Variants in ERBB2 observed in about 807,000 individuals in gnomAD.
The protein encoded by ERBB2 is receptor tyrosine-protein kinase erbB-2.
Under a neutral mutation model 149.0 loss-of-function variants are expected in ERBB2, and 61 were observed. The observed-to-expected ratio is 0.41, with a 90% CI of 0.33 to 0.51. The LOEUF is 0.51. ERBB2 is among the 20% of genes least tolerant of loss of function. The probability of loss-of-function intolerance (pLI) is 0.25; values close to 1 mark genes in which losing one functional copy is unlikely to be tolerated. For synonymous variants in ERBB2, 633 were observed against 678.8 expected (o/e 0.93, Z 1.05); for missense variants, 1,205 against 1,655.1 (o/e 0.73, Z 4.72).
chr17:39,697,143 C>G (rs1290015716), upstream of ERBB2, among the ~76,000 whole-genome samples: 1 of 152,114 alleles, frequency 6.6e-6, no homozygotes, highest in Non-Finnish European at 1.5e-5. Flanking sequence ...TCCCCTGATC[C>G]TCACCCTAAC....
rs965200569 is a variant in ERBB2 at position 39,707,289 on chromosome 17, C to A, written c.225+148C>A. 5 of 645,748 alleles carry A rather than the reference C, an allele frequency of 7.7e-6. No homozygotes were observed. In the Admixed American group the frequency reaches 1.2e-4, roughly 15 times the overall value. 40.0% of individuals were successfully genotyped at this position (645,748 alleles called of 1,614,324 possible). A position where few individuals can be genotyped will look rare whatever the true frequency, so the allele number is the denominator to read the frequency against. Reference sequence around the variant, plus strand: ...CCAGGAAGTCCTTTCTAACATCTAACCCCCATTCATTTTACTGCAGAATCA... The same window carrying A: ...CCAGGAAGTCCTTTCTAACATCTAAACCCCATTCATTTTACTGCAGAATCA... On this transcript the variant is annotated intron_variant, in intron 2 of 26. Coordinates refer to ENST00000269571, the MANE Select transcript of ERBB2 (RefSeq NM_004448.4).
chr17:39,694,391 C>T (rs895891453), upstream of ERBB2, among the ~76,000 whole-genome samples: 22 of 147,306 alleles, frequency 1.5e-4, no homozygotes, highest in African/African-American at 2.3e-4. Flanking sequence ...GCTGTTGCTG[C>T]GGGGAGAATT....
intron 1 of ERBB2, among the ~76,000 whole-genome samples, chr17:39,705,471 G>A (rs2058370433): frequency 6.6e-6 from 1 of 152,180 alleles, no homozygotes; most frequent in African/African-American, 2.4e-5. Context: ...GAAGTGTGGG[G>A]AAGAGGAGGG....
At chr17:39,688,819 T>G (rs2057624995) in intron 2 of ERBB2, 1 of 152,396 alleles carries the variant, frequency 6.6e-6, no homozygotes, top group African/African-American at 2.4e-5. Context: ...TAACTGCGTT[T>G]GTTTGTTCTT....
At chr17:39,704,748 T>A (rs753813073) in intron 1 of ERBB2, among the ~76,000 whole-genome samples, 1 of 152,114 alleles carries the variant, frequency 6.6e-6, no homozygotes, top group Non-Finnish European at 1.5e-5. Flanking sequence ...ACCACCTGTC[T>A]GCAAACACTT....
intron 16 of ERBB2, among the ~76,000 whole-genome samples, chr17:39,721,607 ATGG>A (rs1217761714): frequency 3.9e-5 from 6 of 152,128 alleles, no homozygotes; most frequent in Non-Finnish European, 7.4e-5. Flanking sequence ...CTGTGGAGAA[ATGG>A]TGGTCCAGGC....
chr17:39,712,173 C>T (rs747064727), intron 8 of ERBB2, 126 bp downstream of exon 8: 24 of 1,535,730 alleles, frequency 1.6e-5, no homozygotes, highest in Non-Finnish European at 2.1e-5. Flanking sequence ...CTTCTACTCT[C>T]TACCCCTGGC....
intron 14 of ERBB2, chr17:39,716,856 G>C (rs543075678): frequency 1.8e-6 from 1 of 543,534 alleles, no homozygotes; most frequent in South Asian, 2.2e-5. Flanking sequence ...TGCTAGGGTG[G>C]TGAGCCCTGT....
chr17:39,700,333 G>A (rs2058015253), intron 1 of ERBB2, 22 bp downstream of exon 1: 4 of 1,358,764 alleles, frequency 2.9e-6, no homozygotes, highest in East Asian at 3.1e-5. Context: ...GTGGGGAGGG[G>A]ACGGAGCAGC....
At chr17:39,705,001 C>T (rs2058341819) in intron 1 of ERBB2, among the ~76,000 whole-genome samples, 2 of 152,174 alleles carry the variant, frequency 1.3e-5, no homozygotes, top group Non-Finnish European at 2.9e-5. Context: ...GATCTGAAGG[C>T]AGGCCAGCCT....
rs199841166 is a variant in ERBB2, at chr17:39,723,376, G to A, written c.2004G>A (p.Gly668=). ...GCATTCTGCTGGTCGTGGTCTTGGG[G>A]GTGGTCTTTGGGATCCTCATCAAGC... is the stretch of plus-strand genomic sequence containing the variant. The part of the protein sequence containing the change: ...VVGILLVVVL[G]VVFGILIKRR... Residue 668 remains glycine, a synonymous_variant, in exon 17 of 27, where the codon GGG becomes GGA. Coordinates refer to ENST00000269571, the MANE Select transcript of ERBB2 (RefSeq NM_004448.4). The surrounding 1 kb of genome is among the most constrained non-coding windows in gnomAD (Gnocchi z 6.2). 6.2e-7 allele frequency: 1 copy of A among 1,614,146 alleles called. No individual in the cohort carries two copies. The highest frequency in any genetic ancestry group is 1.1e-5 in the South Asian group (1 of 91,078).
chr17:39,697,178 A>G (rs1373218746), upstream of ERBB2, among the ~76,000 whole-genome samples: 10 of 152,128 alleles, frequency 6.6e-5, no homozygotes, highest in Non-Finnish European at 1.3e-4. Context: ...AAGAGAAAAT[A>G]GGGATATTGA....
chr17:39,707,319 ACT>A (rs779711336), intron 2 of ERBB2, 178 bp downstream of exon 2: 3 of 538,416 alleles, frequency 5.6e-6, no homozygotes, highest in Admixed American at 4.1e-5. Flanking sequence ...GAATCAGTTG[ACT>A]CTCTCTATAA....
chr17:39,698,071 A>G (rs2057907464), upstream of ERBB2, among the ~76,000 whole-genome samples: 3 of 152,170 alleles, frequency 2.0e-5, no homozygotes, highest in African/African-American at 7.2e-5. Context: ...CTGCCCCAGT[A>G]TAACTAAATC....
chr17:39,715,190 AAGGC>A, intron 9 of ERBB2, 92 bp from the exon 10 acceptor site: 1 of 1,010,736 alleles, frequency 9.9e-7, no homozygotes, highest in East Asian at 2.5e-5. Context: ...GGTTTGAGTG[AAGGC>A]ATTCATGGTG....
upstream of ERBB2, among the ~76,000 whole-genome samples, chr17:39,691,934 C>CATATACATATATATATATATAT (rs564472045): frequency 3.3e-5 from 4 of 120,884 alleles, no homozygotes; most frequent in African/African-American, 1.4e-4. Context: ...TATACATATA[C>CATATACATATATATATATATAT]ATATATATAT....
chr17:39,714,278 G>A (rs186923239), intron 9 of ERBB2, among the ~76,000 whole-genome samples: 4 of 152,174 alleles, frequency 2.6e-5, no homozygotes, highest in East Asian at 1.9e-4. Context: ...TTTGAGAGCC[G>A]GTCATGACAG....
Position 39,725,129 on chromosome 17 carries a change from T to G in ERBB2, c.2574T>G (p.His858Gln). ...ACGTGCTGGTCAAGAGTCCCAACCA[T>G]GTCAAAATTACAGACTTCGGGCTGG... ...ARNVLVKSPN[H>Q]VKITDFGLAR... Residue 858 changes from histidine to glutamine, a missense_variant, in exon 21 of 27, where the codon CAT becomes CAG. Transcript: ENST00000269571. The surrounding 1 kb of genome is among the most constrained non-coding windows in gnomAD (Gnocchi z 4.6). The G allele has an allele frequency of 1.2e-6, 2 of 1,614,104 alleles. No individual in the cohort carries two copies. The highest frequency in any genetic ancestry group is 1.7e-6 in the Non-Finnish European group (2 of 1,180,030).
chr17:39,708,525 A>C lies in ERBB2; in HGVS notation c.430A>C (p.Ser144Arg). Residue 144 changes from serine (S) to arginine (R), a missense_variant, in exon 3 of 27, where the codon AGC becomes CGC. This residue lies in a region of ERBB2 where 569 missense variants were observed against 803.5 expected (regional missense o/e 0.71). Coordinates refer to ENST00000269571, the MANE Select transcript of ERBB2 (RefSeq NM_004448.4). ...AGGCCTGCGGGAGCTGCAGCTTCGA[A>C]GCCTCACAGGTGGCCTTCACCGTCA... ...PGGLRELQLRSLTEILKGGVL... is the reference protein window; with the variant it reads ...PGGLRELQLRRLTEILKGGVL... 6.2e-7 allele frequency: 1 copy of C among 1,613,776 alleles called. No homozygotes were observed. Among genetic ancestry groups the C allele is most frequent in the Non-Finnish European group, 8.5e-7 (1 of 1,179,744 alleles).
Sources: allele counts gnomAD v4.1 joint callset (sites outside exome capture counted in the v4.1 genomes callset), GRCh38; gene constraint gnomAD v4.1.1; regional missense constraint gnomAD v4.1.1; non-coding constraint Gnocchi (gnomAD v3.1); transcripts MANE v1.5; gene names NCBI Gene and HGNC (gene_info 2026-07-23, HGNC 2026-07-21).